Variants in KMT2D observed in about 807,000 individuals in gnomAD.
The protein encoded by KMT2D is lysine methyltransferase 2D, also known as histone-lysine N-methyltransferase 2D.
A neutral mutation model predicts 512.7 loss-of-function variants in KMT2D; 55 were observed. The ratio of observed to expected loss-of-function variants is 0.11; its 90% confidence interval spans 0.09 to 0.13. The LOEUF (loss-of-function observed/expected upper bound fraction) is 0.13. Among genes scored for constraint, KMT2D ranks in the 10% least tolerant of loss-of-function variants. KMT2D has a pLI of 1.00. For synonymous variants in KMT2D, 2,995 were observed against 2,904.0 expected, an observed-to-expected ratio of 1.03 and a Z score of -1.01; for missense variants, 6,061 against 7,127.9, an observed-to-expected ratio of 0.85 and a Z score of 5.39.
intron 7 of KMT2D, 22 bp downstream of exon 7, chr12:49,053,449 ACTTTC>A (rs1565822785): frequency 6.2e-7 from 1 of 1,610,452 alleles, no homozygotes; most frequent in African/African-American, 1.3e-5. Flanking sequence ...TGTGCCTAAG[ACTTTC>A]CTCCTGCCCT....
At position 49,042,835 on chromosome 12, in the gene KMT2D, C is replaced by G. The variant is rs1943603150; in HGVS notation, c.5688G>C (p.Lys1896Asn). The change falls in exon 27 of 55, where the codon AAG (lysine) becomes AAC (asparagine). Residue 1896 changes from lysine to asparagine, a missense_variant. Physicochemically the swap from Lys to Asn is moderately conservative, Grantham distance 94. Transcript: ENST00000301067. This position sits in a 1 kb window ranked among gnomAD's most constrained non-coding sequence, Gnocchi z 4.4. ...MESKDLQQLF[K>N]DVLGSEREQH... is the part of the protein sequence containing the mutation. The stretch of plus-strand genomic sequence containing the variant: ...GTTCTCGTTCAGAGCCCAGAACATC[C>G]TTGAAGAGCTGCTGCAGGTCCTTGG... 1.2e-6 allele frequency: 2 copies of G among 1,613,942 alleles called. No individual in the cohort carries two copies. Among genetic ancestry groups the G allele is most frequent in the Non-Finnish European group, 1.7e-6 (2 of 1,179,840 alleles).
At chr12:49,045,847 A>AG in intron 19 of KMT2D, 73 bp downstream of exon 19, 2 of 1,225,112 alleles carry the variant, frequency 1.6e-6, no homozygotes, top group East Asian at 2.3e-5. Flanking sequence ...AGATGAAGCT[A>AG]GGGGGTTGGA....
chr12:49,022,509 G>A lies in KMT2D; in HGVS notation c.16338+81C>T, dbSNP rs2137705652. The A allele has an allele frequency of 1.3e-6, 2 of 1,550,212 alleles. No individual in the cohort carries two copies. Among genetic ancestry groups the A allele is most frequent in the Non-Finnish European group, 1.8e-6 (2 of 1,135,610 alleles). ...TTCTCCCCACCACAGCTTTCCTCCT[G>A]CTCTCCTGTGACCAATCCTGCCCTT... On this transcript the variant is annotated intron_variant, in intron 52 of 54. Transcript: ENST00000301067. The surrounding 1 kb of genome is among the most constrained non-coding windows in gnomAD (Gnocchi z 8.6).
intron 19 of KMT2D, 54 bp downstream of exon 19, chr12:49,045,866 A>T (rs2120595320): frequency 7.3e-7 from 1 of 1,370,298 alleles, no homozygotes; most frequent in Non-Finnish European, 1.0e-6. Flanking sequence ...GAGCTAGACT[A>T]GATGATGTCC....
chr12:49,032,374 C>G lies in KMT2D; in HGVS notation c.12331G>C (p.Ala4111Pro). 6.2e-7 allele frequency: 1 copy of G among 1,611,448 alleles called. No homozygotes were observed. The highest frequency in any genetic ancestry group is 1.3e-5 in the African/African-American group (1 of 75,008). Residue 4111 changes from alanine (A) to proline (P), a missense_variant, in exon 40 of 55, where the codon GCA becomes CCA. Physicochemically the swap from Ala to Pro is conservative, Grantham distance 27. Around this residue, in one of 16 missense-constraint regions of KMT2D, gnomAD observed 1,600 missense variants for 1,754.9 expected, o/e 0.91. Coordinates refer to ENST00000301067, the MANE Select transcript of KMT2D (RefSeq NM_003482.4). The stretch of plus-strand genomic sequence containing the variant: ...AGCTGCCCATGGCTTCCTCCACCTG[C>G]TGTGTGGAGCAGGCTAACTTGCTGC... Reference protein sequence around the residue: ...QQQQVSLLHTAGGGSHGQLGS... With the variant: ...QQQQVSLLHTPGGGSHGQLGS...
intron 26 of KMT2D, 34 bp downstream of exon 26, chr12:49,043,042 C>G (rs530634868): frequency 1.3e-6 from 2 of 1,592,206 alleles, no homozygotes; most frequent in East Asian, 2.2e-5. Flanking sequence ...ATAGAAAACC[C>G]TTATACACAA....
rs752226331 is a variant in KMT2D, at chr12:49,031,753, T to G, written c.12952A>C (p.Lys4318Gln). The part of the protein sequence containing the change: ...TPPPSSPQEP[K>Q]RPSQLPSPSS... Reference sequence around the variant, plus strand: ...GGGGAAGGTAATTGTGAAGGTCTCTTTGGCTCTTGAGGGCTGGATGGTGGA... The same window carrying G: ...GGGGAAGGTAATTGTGAAGGTCTCTGTGGCTCTTGAGGGCTGGATGGTGGA... The change falls in exon 40 of 55, where the codon AAG (lysine) becomes CAG (glutamine). Residue 4318 changes from lysine to glutamine, a missense_variant. This residue lies in a region of KMT2D where 1,600 missense variants were observed against 1,754.9 expected (regional missense o/e 0.91). Coordinates refer to ENST00000301067, the MANE Select transcript of KMT2D (RefSeq NM_003482.4). 4.3e-6 allele frequency: 7 copies of G among 1,612,914 alleles called. No homozygotes were observed. The South Asian group carries it at 7.7e-5, about 18-fold the overall frequency.
chr12:49,029,007 G>C (rs561128988), intron 45 of KMT2D, 49 bp from the exon 46 acceptor site: 11 of 1,608,660 alleles, frequency 6.8e-6, no homozygotes, highest in South Asian at 4.4e-5. Context: ...CTCTCCCCCA[G>C]CTTCGGACAA....
Position 49,044,603 on chromosome 12 carries a change from T to G in KMT2D, c.4964-81A>C. 1 of 1,576,778 alleles carries G rather than the reference T, an allele frequency of 6.3e-7. No homozygotes were observed. Among genetic ancestry groups the G allele is most frequent in the South Asian group, 1.2e-5 (1 of 86,124 alleles). On this transcript the variant is annotated intron_variant, in intron 20 of 54. Coordinates refer to ENST00000301067, the MANE Select transcript of KMT2D (RefSeq NM_003482.4). This position sits in a 1 kb window ranked among gnomAD's most constrained non-coding sequence, Gnocchi z 6.4. ...CTTGTCATCCTGCCACTGAGAGAGC[T>G]GAATACCTTGCCTCAGAGCCACTTA...
At chr12:49,059,289 G>GT (rs1938595782) in intron 1 of KMT2D, among the ~76,000 whole-genome samples, 1 of 152,206 alleles carries the variant, frequency 6.6e-6, no homozygotes, top group South Asian at 2.1e-4. Context: ...CCTGGGATTG[G>GT]TGCTGGCATC....
At chr12:49,055,661 AT>A (rs1221097416) in intron 1 of KMT2D, among the ~76,000 whole-genome samples, 3 of 152,150 alleles carry the variant, frequency 2.0e-5, no homozygotes, top group African/African-American at 7.2e-5. Context: ...AAGCATATCC[AT>A]TTGTATCTAA....
rs778853682 is a variant in KMT2D at position 49,039,957 on chromosome 12, A to G, written c.7813T>C (p.Tyr2605His). ...GGAGGGCGTAGTGGGGACAGCCCAT[A>G]GCTCTCCCCTGTGGACCCGCTGCTG... Reference protein sequence around the residue: ...GPSSGSTGESYGLSPLRPPSV... With the variant: ...GPSSGSTGESHGLSPLRPPSV... The change falls in exon 32 of 55, where the codon TAT becomes CAT. Residue 2605 changes from tyrosine (Y) to histidine (H), a missense_variant. Tyr to His is a moderately conservative substitution (Grantham distance 83). Coordinates refer to ENST00000301067, the MANE Select transcript of KMT2D (RefSeq NM_003482.4). The surrounding 1 kb of genome is among the most constrained non-coding windows in gnomAD (Gnocchi z 5.0). 1 of 1,613,880 alleles carries G rather than the reference A, an allele frequency of 6.2e-7. No individual in the cohort carries two copies. Among genetic ancestry groups the G allele is most frequent in the South Asian group, 1.1e-5 (1 of 91,060 alleles).
In KMT2D at chr12:49,052,127, G is replaced by A. The variant is rs1358806549; in HGVS notation, c.1556C>T (p.Pro519Leu). 2.5e-6 allele frequency: 4 copies of A among 1,613,190 alleles called. No homozygotes were observed. Among genetic ancestry groups the A allele is most frequent in the Non-Finnish European group, 3.4e-6 (4 of 1,179,674 alleles). The part of the protein sequence containing the change: ...SSPFSPLEES[P>L]LSPPEESPPS... ...GGGTGACTCTTCCGGTGGAGACAAG[G>A]GCGACTCCTCCAGTGGAGAAAAAGG... The change falls in exon 11 of 55, where the codon CCC becomes CTC. Residue 519 changes from proline (P) to leucine (L), a missense_variant. Physicochemically the swap from Pro to Leu is moderately conservative, Grantham distance 98. This residue lies in a region of KMT2D where 848 missense variants were observed against 838.5 expected (regional missense o/e 1.01). Transcript: ENST00000301067.
chr12:49,053,132 A>G, intron 8 of KMT2D, 60 bp from the exon 9 acceptor site: 1 of 1,612,524 alleles, frequency 6.2e-7, no homozygotes, highest in East Asian at 2.2e-5. Flanking sequence ...AAACGAAAGT[A>G]CACAACTTGT....
rs1372083024 is a variant in KMT2D, at chr12:49,044,263, G to C, written c.5125C>G (p.Arg1709Gly). The C allele has an allele frequency of 4.3e-6, 7 of 1,613,200 alleles. No individual in the cohort carries two copies. Among genetic ancestry groups the C allele is most frequent in the Non-Finnish European group, 5.9e-6 (7 of 1,179,872 alleles). ...FMVRQRKSHT[R>G]TKKGPAAQAE... is the part of the protein sequence containing the mutation. ...TGTGCAGCAGGCCCCTTTTTCGTGC[G>C]TGTGTGGGATTTCCGCTGTCGCACC... The change falls in exon 22 of 55, where the codon CGC (arginine) becomes GGC (glycine). Residue 1709 changes from arginine to glycine, a missense_variant. This residue lies in a region of KMT2D where 640 missense variants were observed against 814.3 expected (regional missense o/e 0.79). Transcript: ENST00000301067. This position sits in a 1 kb window ranked among gnomAD's most constrained non-coding sequence, Gnocchi z 6.4.
rs1044708169 is a variant in KMT2D, at chr12:49,030,676, C to G, written c.13764G>C (p.Gln4588His). Residue 4588 changes from glutamine to histidine, a missense_variant, in exon 42 of 55, where the codon CAG becomes CAC. Gln to His is a conservative substitution (Grantham distance 24). Transcript: ENST00000301067. ...PFGSGCPVNG[Q>H]SQLRGAFGSG... The stretch of plus-strand genomic sequence containing the variant: ...TTCCAAAGGCCCCCCTCAGCTGGCT[C>G]TGCCCATTGACTGGGCAGCCACTGC... 6 of 1,613,324 alleles carry G rather than the reference C, an allele frequency of 3.7e-6. No homozygotes were observed. The highest frequency in any genetic ancestry group is 5.1e-6 in the Non-Finnish European group (6 of 1,179,756).
rs751011919 is a variant in KMT2D at position 49,052,933 on chromosome 12, T to C, written c.1094A>G (p.His365Arg). ...GQTIRSVAEQ[H>R]TPVCSRFSPP... ...CACTTACCTGCTACACACCGGGGTA[T>C]GCTGCTCAGCAACGGAGCGGATAGT... The change falls in exon 9 of 55, where the codon CAT (histidine) becomes CGT (arginine). Residue 365 changes from histidine (H) to arginine (R), a missense_variant. Physicochemically the swap from His to Arg is conservative, Grantham distance 29 (BLOSUM62 0). Coordinates refer to ENST00000301067, the MANE Select transcript of KMT2D (RefSeq NM_003482.4). 4.3e-6 allele frequency: 7 copies of C among 1,613,884 alleles called. No individual in the cohort carries two copies. The highest frequency in any genetic ancestry group is 1.3e-5 in the African/African-American group (1 of 74,938).
Position 49,031,328 on chromosome 12 carries a change from C to T in KMT2D, c.13377G>A (p.Gly4459=), listed in dbSNP as rs1235747436. The T allele has an allele frequency of 1.2e-6, 2 of 1,613,608 alleles. No homozygotes were observed. The highest frequency in any genetic ancestry group is 3.3e-5 in the Admixed American group (2 of 60,026). ...LLLAGPRSEA[G]HLLLQKLLRA... is the part of the protein sequence containing the mutation. The stretch of plus-strand genomic sequence containing the variant: ...GGAGTAGCTTCTGCAAGAGCAGATG[C>T]CCAGCTTCTGAGCGAGGGCCTGCCA... The change falls in exon 40 of 55, where the codon GGG becomes GGA. Residue 4459 remains glycine, a synonymous_variant. Transcript: ENST00000301067.
At chr12:49,053,433 C>T (rs2120696010) in intron 7 of KMT2D, 43 bp downstream of exon 7, 1 of 1,610,628 alleles carries the variant, frequency 6.2e-7, no homozygotes, top group Admixed American at 1.7e-5. Flanking sequence ...CAACCCTAAC[C>T]TGTGTTGTGC....
Sources: gnomAD v4.1 joint callset for allele counts (sites outside exome capture counted in the v4.1 genomes callset) on GRCh38, gnomAD v4.1.1 for gene constraint, gnomAD v4.1.1 regional missense constraint, Gnocchi (gnomAD v3.1) non-coding constraint, MANE v1.5 for transcripts, NCBI Gene and HGNC (gene_info 2026-07-23, HGNC 2026-07-21) for gene names.